Variants in CSMD1 observed in about 807,000 individuals in gnomAD.
CSMD1 encodes the protein CUB and Sushi multiple domains 1.
In CSMD1, 213 loss-of-function variants were observed where a neutral mutation model predicts 417.5. That is an observed-to-expected ratio of 0.51 (90% CI 0.46 to 0.57). CSMD1 has a LOEUF of 0.57. Among genes scored for constraint, CSMD1 ranks in the 20% least tolerant of loss-of-function variants. CSMD1 has a pLI of 0.00. For synonymous variants in CSMD1, 2,862 were observed against 1,736.8 expected (o/e 1.65, Z -16.11); for missense variants, 6,923 against 4,529.7 (o/e 1.53, Z -15.17).
At chr8:3,016,747 T>A (rs1231541502) in intron 52 of CSMD1, among the ~76,000 whole-genome samples, 1 of 152,240 alleles carries the variant, frequency 6.6e-6, no homozygotes, top group East Asian at 1.9e-4. Flanking sequence ...AACCTGGGCA[T>A]TTTTCTTCTT....
At chr8:4,623,154 C>G (rs1801877530) in intron 2 of CSMD1, among the ~76,000 whole-genome samples, 1 of 152,016 alleles carries the variant, frequency 6.6e-6, no homozygotes, top group Non-Finnish European at 1.5e-5. Flanking sequence ...AAAGGGAAGA[C>G]AAAAGTTGCA....
At chr8:4,775,810 A>G (rs1439040950) in intron 1 of CSMD1, among the ~76,000 whole-genome samples, 4 of 152,152 alleles carry the variant, frequency 2.6e-5, no homozygotes, top group East Asian at 3.9e-4. Flanking sequence ...CTTAGGCATT[A>G]AAACCAATCA....
intron 1 of CSMD1, among the ~76,000 whole-genome samples, chr8:4,665,684 T>C (rs1469039796): frequency 6.6e-6 from 1 of 152,218 alleles, no homozygotes; most frequent in African/African-American, 2.4e-5. Context: ...CGCTGTTGCA[T>C]GGATCCATAA....
chr8:4,081,908 G>C (rs914409636), intron 3 of CSMD1, among the ~76,000 whole-genome samples: 2 of 152,086 alleles, frequency 1.3e-5, no homozygotes, highest in Non-Finnish European at 2.9e-5. Flanking sequence ...AGTGCTCATG[G>C]GGGAGTGTGT....
intron 5 of CSMD1, among the ~76,000 whole-genome samples, chr8:3,975,116 C>A (rs1338444619): frequency 6.6e-6 from 1 of 152,048 alleles, no homozygotes; most frequent in African/African-American, 2.4e-5. Flanking sequence ...ACTTGAAAAC[C>A]ACTATGCATG....
intron 45 of CSMD1, chr8:3,107,253 T>C (rs971079706): frequency 5.1e-5 from 8 of 157,066 alleles, no homozygotes; most frequent in African/African-American, 1.9e-4. Context: ...GCAGAAATCC[T>C]AAATATCATC....
rs907125304 is a variant in CSMD1, at chr8:4,139,712, G to C, written c.416-107613C>G. Reference sequence around the variant, plus strand: ...GTTAGAATGATGATTTTGGTGGGAAGCCCCGAGTGATGCTTGAGTAGATGA... The same window carrying C: ...GTTAGAATGATGATTTTGGTGGGAACCCCCGAGTGATGCTTGAGTAGATGA... On this transcript the variant is annotated intron_variant, in intron 3 of 69. Transcript: ENST00000635120. 2.0e-5 allele frequency among the ~76,000 whole-genome samples: 3 copies of C among 151,264 alleles called. No individual in the cohort carries two copies. The East Asian group carries it at 5.8e-4, about 29-fold the overall frequency.
chr8:3,724,703 T>C (rs112382187), intron 6 of CSMD1, among the ~76,000 whole-genome samples: 3 of 152,182 alleles, frequency 2.0e-5, no homozygotes, highest in African/African-American at 7.2e-5. Flanking sequence ...GGAAAAGAAA[T>C]GCATTTTTAT....
rs80345438 is a variant in CSMD1 at position 4,015,244 on chromosome 8, C to G, written c.610+16661G>C. 1.2e-4 allele frequency among the ~76,000 whole-genome samples: 18 copies of G among 152,266 alleles called. No individual in the cohort carries two copies. The South Asian group carries it at 3.3e-3, about 28-fold the overall frequency. ...TAAGATTCATTTTACAATGTTACCG[C>G]TGAAACATAATTGATAAAAACACAG... On this transcript the variant is annotated intron_variant, in intron 4 of 69. Coordinates refer to ENST00000635120, the MANE Select transcript of CSMD1 (RefSeq NM_033225.6).
chr8:4,850,720 G>A (rs965490192), intron 1 of CSMD1, among the ~76,000 whole-genome samples: 14 of 151,994 alleles, frequency 9.2e-5, no homozygotes, highest in Non-Finnish European at 1.9e-4. Flanking sequence ...GTGTCGTGAA[G>A]CAGTTGTGTG....
intron 5 of CSMD1, among the ~76,000 whole-genome samples, chr8:3,981,621 G>T (rs759565920): frequency 3.4e-5 from 5 of 148,914 alleles, no homozygotes; most frequent in African/African-American, 5.0e-5. Flanking sequence ...GAGCAGTATT[G>T]TTCCCTTTGA....
intron 6 of CSMD1, among the ~76,000 whole-genome samples, chr8:3,731,780 T>C (rs112813669): frequency 5.3e-5 from 8 of 152,244 alleles, no homozygotes; most frequent in African/African-American, 1.7e-4. Flanking sequence ...GGTAACAGCA[T>C]TAAGTGCTTA....
chr8:3,679,767 T>C (rs1167389241), intron 7 of CSMD1, among the ~76,000 whole-genome samples: 1 of 152,186 alleles, frequency 6.6e-6, no homozygotes, highest in Non-Finnish European at 1.5e-5. Context: ...TATTTCAAAA[T>C]TGACCACATA....
chr8:3,311,469 C>G (rs993731093), intron 23 of CSMD1, among the ~76,000 whole-genome samples: 1 of 146,778 alleles, frequency 6.8e-6, no homozygotes, highest in Non-Finnish European at 1.5e-5. Flanking sequence ...AGGCTTGTCT[C>G]AAACTCCTGA....
In CSMD1 at chr8:3,262,226, T is replaced by TAC. The variant is rs1563199498; in HGVS notation, c.4153+21917_4153+21918insGT. ...ATATATATATATATATATATATATA[T>TAC]ATATACACACACATAGTTAATTTCA... On this transcript the variant is annotated intron_variant, in intron 26 of 69. Transcript: ENST00000635120. Among the ~76,000 whole-genome samples the TAC allele has an allele frequency of 7.1e-5, 8 of 112,322 alleles. No homozygotes were observed. In the South Asian group the frequency reaches 2.3e-3, roughly 32 times the overall value. The allele number at this position is 112,322 out of a possible 152,430, so 73.7% of individuals were successfully genotyped here.
chr8:4,614,650 C>T (rs745514298), intron 2 of CSMD1, among the ~76,000 whole-genome samples: 13 of 152,036 alleles, frequency 8.6e-5, no homozygotes, highest in Non-Finnish European at 1.3e-4. Context: ...CACATACAAA[C>T]GTGCGCACAC....
chr8:3,368,390 A>G (rs1047862912), intron 19 of CSMD1, among the ~76,000 whole-genome samples: 11 of 152,128 alleles, frequency 7.2e-5, no homozygotes, highest in Non-Finnish European at 1.5e-4. Flanking sequence ...AGGCTGGAGT[A>G]CAGTGGCGCA....
At chr8:4,429,931 T>C (rs187730376) in intron 2 of CSMD1, among the ~76,000 whole-genome samples, 4 of 152,154 alleles carry the variant, frequency 2.6e-5, no homozygotes, top group South Asian at 4.2e-4. Context: ...TGGTCACCCA[T>C]CAGGGAATGA....
intron 23 of CSMD1, among the ~76,000 whole-genome samples, chr8:3,339,815 C>T (rs190928507): frequency 1.6e-4 from 25 of 152,002 alleles, no homozygotes; most frequent in Admixed American, 8.5e-4. Context: ...TCATTGTCCC[C>T]GATTTCACAG....
Sources: allele counts gnomAD v4.1 joint callset (sites outside exome capture counted in the v4.1 genomes callset), GRCh38; gene constraint gnomAD v4.1.1; transcripts MANE v1.5; gene names NCBI Gene and HGNC (gene_info 2026-07-23, HGNC 2026-07-21).